Variants in SBK1 observed in about 807,000 individuals in gnomAD.
SBK1 encodes the protein serine/threonine-protein kinase SBK1.
A neutral mutation model predicts 24.4 loss-of-function variants in SBK1; 11 were observed. The observed-to-expected ratio is 0.45, with a 90% CI of 0.28 to 0.75. SBK1 has a LOEUF of 0.75. Ranked by LOEUF, SBK1 falls within the 30% of genes least tolerant of loss-of-function variation. The pLI, the probability that SBK1 is intolerant of heterozygous loss-of-function variation, is 0.12. For synonymous variants in SBK1, 308 were observed against 284.4 expected, an observed-to-expected ratio of 1.08 and a Z score of -0.83; for missense variants, 467 against 620.5, an observed-to-expected ratio of 0.75 and a Z score of 2.63.
At position 28,292,757 on chromosome 16, in the gene SBK1, C is replaced by T. The variant is rs1423366733; in HGVS notation, c.-551C>T. 6.1e-6 allele frequency: 6 copies of T among 985,140 alleles called. No homozygotes were observed. Among genetic ancestry groups the T allele is most frequent in the Non-Finnish European group, 6.0e-6 (5 of 829,792 alleles). The allele number at this position is 985,140 out of a possible 1,614,324, so 61.0% of individuals were successfully genotyped here. On this transcript the variant is annotated 5_prime_UTR_variant, in exon 1 of 4. Transcript: ENST00000341901. The stretch of plus-strand genomic sequence containing the variant: ...GCAGCCGAGGAGTGCGGGGAGCCCC[C>T]TTCCACATCCAGGATCCGGCGAGCC...
chr16:28,271,518 C>T (rs547283432), intron 1 of SBK1, among the ~76,000 whole-genome samples: 2 of 152,260 alleles, frequency 1.3e-5, no homozygotes, highest in East Asian at 3.9e-4. Flanking sequence ...GATCACACCA[C>T]TGCACTCCAG....
chr16:28,278,622 C>T (rs964397962), intron 1 of SBK1, among the ~76,000 whole-genome samples: 1 of 152,122 alleles, frequency 6.6e-6, no homozygotes, highest in Non-Finnish European at 1.5e-5. Context: ...GATCTCAGCC[C>T]CAGTTTGAAA....
intron 1 of SBK1, among the ~76,000 whole-genome samples, chr16:28,278,344 C>T (rs1321494088): frequency 6.6e-6 from 1 of 151,206 alleles, no homozygotes; most frequent in Non-Finnish European, 1.5e-5. Context: ...ACCTCACCCA[C>T]CCCGCCTTTG....
chr16:28,287,593 G>A (rs1021620819), upstream of SBK1, among the ~76,000 whole-genome samples: 1 of 152,154 alleles, frequency 6.6e-6, no homozygotes, highest in Admixed American at 6.6e-5. Flanking sequence ...ATCCCTAGGC[G>A]TCAGGGACAA....
At chr16:28,266,238 G>A (rs917896260) in intron 1 of SBK1, among the ~76,000 whole-genome samples, 4 of 151,890 alleles carry the variant, frequency 2.6e-5, no homozygotes, top group Admixed American at 6.6e-5. Flanking sequence ...ATAGTGGCAC[G>A]TATCGGTATT....
chr16:28,319,967 A>C lies in SBK1; in HGVS notation c.430-109A>C. The C allele has an allele frequency of 9.0e-7, 1 of 1,117,170 alleles. No homozygotes were observed. The highest frequency in any genetic ancestry group is 1.2e-6 in the Non-Finnish European group (1 of 823,408). The allele number at this position is 1,117,170 out of a possible 1,614,324, so 69.2% of individuals were successfully genotyped here. On this transcript the variant is annotated intron_variant, in intron 3 of 3. Transcript: ENST00000341901. This position sits in a 1 kb window ranked among gnomAD's most constrained non-coding sequence, Gnocchi z 4.0. ...TGCGCGGTCGCCCCAGTTACTGGGG[A>C]CAGGGTGGGAGGCGAAAACCGCCTT... is the stretch of plus-strand genomic sequence containing the variant.
rs1404539997 is a variant in SBK1, at chr16:28,320,780, GGTGCCGGTGCCAGTGCCC to G, written c.1146_1163del (p.Val385_Pro390del). 2.2e-5 allele frequency: 31 copies of G among 1,405,880 alleles called. No homozygotes were observed. The highest frequency in any genetic ancestry group is 4.9e-5 in the Admixed American group (2 of 40,544). 87.1% of individuals were successfully genotyped at this position (1,405,880 alleles called of 1,614,324 possible). Reference sequence around the variant, plus strand: ...TCGGGTCGGTGCCCTTGCCCGTGCCGGTGCCGGTGCCAGTGCCCGTGCCGGTGCCTGTGCCCGAGCCCG... The same window carrying G: ...TCGGGTCGGTGCCCTTGCCCGTGCCGGTGCCGGTGCCTGTGCCCGAGCCCG... On this transcript the variant is annotated inframe_deletion, in exon 4 of 4. Coordinates refer to ENST00000341901, the MANE Select transcript of SBK1 (RefSeq NM_001024401.3). The surrounding 1 kb of genome is among the most constrained non-coding windows in gnomAD (Gnocchi z 8.5).
At chr16:28,313,145 A>G (rs777863066) in intron 1 of SBK1, among the ~76,000 whole-genome samples, 1 of 152,054 alleles carries the variant, frequency 6.6e-6, no homozygotes, top group Admixed American at 6.6e-5. Context: ...ACGAAAAAAA[A>G]TTATCTGGGC....
chr16:28,269,454 A>T (rs2044450503), intron 1 of SBK1, among the ~76,000 whole-genome samples: 1 of 152,092 alleles, frequency 6.6e-6, no homozygotes. Flanking sequence ...CATCTGAACA[A>T]AGGAGCTCCA....
chr16:28,302,754 C>T (rs909114754), intron 1 of SBK1, among the ~76,000 whole-genome samples: 1 of 152,184 alleles, frequency 6.6e-6, no homozygotes, highest in Non-Finnish European at 1.5e-5. Context: ...ATTCAACAAA[C>T]ATTTACTAAG....
At chr16:28,299,855 T>A (rs2044667247) in intron 1 of SBK1, among the ~76,000 whole-genome samples, 1 of 152,158 alleles carries the variant, frequency 6.6e-6, no homozygotes, top group Non-Finnish European at 1.5e-5. Context: ...ACAACAGCCA[T>A]CCCTTCTCAC....
chr16:28,284,278 C>A (rs926007433), intron 1 of SBK1, among the ~76,000 whole-genome samples: 1 of 152,248 alleles, frequency 6.6e-6, no homozygotes, highest in African/African-American at 2.4e-5. Context: ...CCAGACAGCA[C>A]TTGTTTCCTG....
chr16:28,306,392 T>G (rs914793892), intron 1 of SBK1, among the ~76,000 whole-genome samples: 1 of 152,222 alleles, frequency 6.6e-6, no homozygotes. Context: ...GTTTCATGAA[T>G]CAATATACTT....
In SBK1 at chr16:28,265,823, A is replaced by C. The variant is rs542526534; in HGVS notation, c.257+6321A>C. On this transcript the variant is annotated intron_variant, in intron 1 of 3. Coordinates refer to the SBK1 transcript ENST00000671413. Reference sequence around the variant, plus strand: ...ACCCTATCTCTACTAAAAATACAAAAATTAGCCCCGCGTGGTGGTACGCAC... The same window carrying C: ...ACCCTATCTCTACTAAAAATACAAACATTAGCCCCGCGTGGTGGTACGCAC... Among the ~76,000 whole-genome samples, 4 of 151,180 alleles carry C rather than the reference A, an allele frequency of 2.6e-5. No homozygotes were observed. The South Asian group carries it at 8.4e-4, about 32-fold the overall frequency.
intron 1 of SBK1, among the ~76,000 whole-genome samples, chr16:28,262,882 G>A (rs1244215476): frequency 6.6e-6 from 1 of 152,136 alleles, no homozygotes; most frequent in African/African-American, 2.4e-5. Context: ...GTTTTGGGGT[G>A]GGGGTGGTGA....
chr16:28,300,310 TTTTG>T (rs61561185), intron 1 of SBK1, among the ~76,000 whole-genome samples: 109,563 of 150,528 alleles, frequency 0.73, 40,351 homozygotes, highest in South Asian at 0.82. Flanking sequence ...TATCTCTCTT[TTTTG>T]TTTGTTTGTT....
At position 28,320,373 on chromosome 16, in the gene SBK1, A is replaced by G; in HGVS notation, c.727A>G (p.Ile243Val). The G allele has an allele frequency of 6.3e-7, 1 of 1,592,688 alleles. No homozygotes were observed. Among genetic ancestry groups the G allele is most frequent in the Non-Finnish European group, 8.5e-7 (1 of 1,176,016 alleles). ...GVDVWAFGVL[I>V]FCVLTGNFPW... ...GGACGTGTGGGCCTTCGGCGTGCTC[A>G]TCTTCTGCGTGCTCACCGGCAACTT... is the stretch of plus-strand genomic sequence containing the variant. The change falls in exon 4 of 4, where the codon ATC becomes GTC. Residue 243 changes from isoleucine (I) to valine (V), a missense_variant. By Grantham distance (29) the Ile-to-Val change is conservative. Around this residue, in one of 4 missense-constraint regions of SBK1, gnomAD observed 92 missense variants for 193.8 expected, o/e 0.47. Coordinates refer to ENST00000341901, the MANE Select transcript of SBK1 (RefSeq NM_001024401.3). The surrounding 1 kb of genome is among the most constrained non-coding windows in gnomAD (Gnocchi z 8.5).
intron 1 of SBK1, among the ~76,000 whole-genome samples, chr16:28,303,156 T>TG (rs1228828975): frequency 3.5e-5 from 4 of 114,702 alleles, no homozygotes; most frequent in Non-Finnish European, 5.5e-5. Context: ...AGGCAGAATA[T>TG]GGGGGGGAGA....
upstream of SBK1, among the ~76,000 whole-genome samples, chr16:28,288,330 G>A (rs2044578963): frequency 1.3e-5 from 2 of 152,134 alleles, no homozygotes; most frequent in African/African-American, 4.8e-5. Context: ...CACAGCTGCT[G>A]CCCTTGGTCA....
Sources: allele counts gnomAD v4.1 joint callset (sites outside exome capture counted in the v4.1 genomes callset), GRCh38; gene constraint gnomAD v4.1.1; regional missense constraint gnomAD v4.1.1; non-coding constraint Gnocchi (gnomAD v3.1); transcripts MANE v1.5; gene names NCBI Gene and HGNC (gene_info 2026-07-23, HGNC 2026-07-21).